Variants in MVB12A observed in about 807,000 individuals in gnomAD.
The protein encoded by MVB12A is multivesicular body subunit 12A, also known as CIN85/CD2AP family binding protein.
In MVB12A, 30 loss-of-function variants were observed where a neutral mutation model predicts 34.3. The ratio of observed to expected loss-of-function variants is 0.88; its 90% CI spans 0.65 to 1.19. MVB12A has a LOEUF of 1.19. Among genes scored for constraint, MVB12A ranks in the 50% most tolerant of loss-of-function variants. The pLI, the probability that MVB12A is intolerant of heterozygous loss-of-function variation, is 0.00. For missense variants in MVB12A, 355 were observed against 369.2 expected (o/e 0.96, Z 0.31); for synonymous variants, 158 against 158.9 (o/e 0.99, Z 0.04).
At position 17,425,018 on chromosome 19, in the gene MVB12A, C is replaced by T. The variant is rs1034178174; in HGVS notation, c.*25C>T. 7 of 1,480,592 alleles carry T rather than the reference C, an allele frequency of 4.7e-6. No individual in the cohort carries two copies. The highest frequency in any genetic ancestry group is 6.5e-6 in the Non-Finnish European group (7 of 1,075,230). 91.7% of individuals were successfully genotyped at this position (1,480,592 alleles called of 1,614,324 possible). A position where few individuals can be genotyped will look rare whatever the true frequency, so the allele number is the denominator to read the frequency against. Reference sequence around the variant, plus strand: ...GTCCCTCACCCTTCCGCGGAAAGAGCCCCCTTACTCCACCTCCCCGCCAGC... The same window carrying T: ...GTCCCTCACCCTTCCGCGGAAAGAGTCCCCTTACTCCACCTCCCCGCCAGC... On this transcript the variant is annotated 3_prime_UTR_variant, in exon 9 of 9. Transcript: ENST00000317040.
upstream of MVB12A, among the ~76,000 whole-genome samples, chr19:17,416,229 ATGCCACTGAGTAGCTGGGATTACAGGCG>A: frequency 1.3e-5 from 1 of 79,112 alleles, no homozygotes; most frequent in Non-Finnish European, 2.1e-5. Flanking sequence ...TTACAGGCGC[ATGCCACTGAGTAGCTGGGATTACAGGCG>A]CATGCCACCA....
chr19:17,407,515 T>C (rs28753790), intron 2 of MVB12A, among the ~76,000 whole-genome samples: 3,630 of 152,242 alleles, frequency 0.024, 51 homozygotes, highest in African/African-American at 0.037. Flanking sequence ...CAGGGGGCCC[T>C]TCCCTGCCTG....
At chr19:17,417,825 C>A, upstream of MVB12A, 1 of 316,158 alleles carries the variant, frequency 3.2e-6, no homozygotes, top group South Asian at 3.1e-5. Flanking sequence ...CTGACACTGT[C>A]TTCCAACTCT....
rs1465432705 is a variant in MVB12A, at chr19:17,410,521, T to TACACACACACACACACACAC, written c.-5+4226_-5+4227insCACACACACACACACACACA. Among the ~76,000 whole-genome samples, 4 of 65,416 alleles carry TACACACACACACACACACAC rather than the reference T, an allele frequency of 6.1e-5. No homozygotes were observed. The South Asian group carries it at 1.8e-3, about 30-fold the overall frequency. The allele number at this position is 65,416 out of a possible 152,430, so 42.9% of individuals were successfully genotyped here. On this transcript the variant is annotated intron_variant, in intron 2 of 6. Coordinates refer to the MVB12A transcript ENST00000528604. ...TCATATATATATATATATATATATA[T>TACACACACACACACACACAC]ATATATATACACACACACATATATA...
chr19:17,425,065 GCATCCTGGGGCCACCCCCAC>G lies in MVB12A; in HGVS notation c.*73_*92del. 1 of 516,020 alleles carries G rather than the reference GCATCCTGGGGCCACCCCCAC, an allele frequency of 1.9e-6. No homozygotes were observed. The highest frequency in any genetic ancestry group is 3.0e-6 in the Non-Finnish European group (1 of 332,026). 32.0% of individuals were successfully genotyped at this position (516,020 alleles called of 1,614,324 possible). ...CAGCCTGGGGCCACCCCCCCTCACTGCATCCTGGGGCCACCCCCACTCACTGCATCCTGGGAACCTTCGCC... is the reference window on the plus strand; with the variant it reads ...CAGCCTGGGGCCACCCCCCCTCACTGTCACTGCATCCTGGGAACCTTCGCC... On this transcript the variant is annotated 3_prime_UTR_variant, in exon 9 of 9. Transcript: ENST00000317040.
chr19:17,424,018 T>G lies in MVB12A; in HGVS notation c.653T>G (p.Val218Gly). The part of the protein sequence containing the change: ...SLYGISAMDG[V>G]PFTLHPRFEG... ...ACGTGTTTTTCAGCCATGGATGGGG[T>G]TCCCTTCACACTCCACCCACGATTT... The change falls in exon 7 of 9, where the codon GTT (valine) becomes GGT (glycine). Residue 218 changes from valine (V) to glycine (G), a missense_variant. Coordinates refer to ENST00000317040, the MANE Select transcript of MVB12A (RefSeq NM_138401.4). 1 of 1,614,064 alleles carries G rather than the reference T, an allele frequency of 6.2e-7. No homozygotes were observed. The highest frequency in any genetic ancestry group is 1.1e-5 in the South Asian group (1 of 91,084).
intron 3 of MVB12A, among the ~76,000 whole-genome samples, chr19:17,421,601 A>AATTCC (rs1264448371): frequency 6.6e-6 from 1 of 152,076 alleles, no homozygotes; most frequent in Non-Finnish European, 1.5e-5. Flanking sequence ...ATTTTTTTAC[A>AATTCC]ATTCCTTAAA....
Position 17,420,309 on chromosome 19 carries a change from G to T in MVB12A, c.91-4G>T. On this transcript the variant is annotated splice_region_variant and splice_polypyrimidine_tract_variant and intron_variant, in intron 1 of 8. Coordinates refer to ENST00000317040, the MANE Select transcript of MVB12A (RefSeq NM_138401.4). ...TCCGGCGCTGACCCGCGTCCTCCCG[G>T]TAGATCTCCTGCACCGTCGAGGGGG... 6.3e-7 allele frequency: 1 copy of T among 1,592,670 alleles called. No individual in the cohort carries two copies. The highest frequency in any genetic ancestry group is 8.6e-7 in the Non-Finnish European group (1 of 1,169,194).
intron 2 of MVB12A, chr19:17,406,308 G>C (rs1271319279): frequency 6.6e-6 from 1 of 152,228 alleles, no homozygotes; most frequent in Non-Finnish European, 1.5e-5. Flanking sequence ...TAAACTCTCT[G>C]AGCCTGTTTC....
chr19:17,420,015 G>GC (rs201855095), upstream of MVB12A: 2,850 of 224,908 alleles, frequency 0.013, 146 homozygotes, highest in African/African-American at 0.073. Flanking sequence ...GGCAATCTCC[G>GC]CCCCCCCCCC....
At position 17,420,064 on chromosome 19, in the gene MVB12A, G is replaced by C; in HGVS notation, c.-72G>C. 2 of 1,013,090 alleles carry C rather than the reference G, an allele frequency of 2.0e-6. No homozygotes were observed. The highest frequency in any genetic ancestry group is 2.6e-6 in the Non-Finnish European group (2 of 784,294). 62.8% of individuals were successfully genotyped at this position (1,013,090 alleles called of 1,614,324 possible). Reference sequence around the variant, plus strand: ...TGGGAGTTGTAGTTCGGTCGCGAGCGCTGCCGTCGGGAGGCGCTCCGAGGT... The same window carrying C: ...TGGGAGTTGTAGTTCGGTCGCGAGCCCTGCCGTCGGGAGGCGCTCCGAGGT... On this transcript the variant is annotated 5_prime_UTR_variant, in exon 1 of 9. Coordinates refer to ENST00000317040, the MANE Select transcript of MVB12A (RefSeq NM_138401.4).
At chr19:17,418,456 G>A (rs1568390126), upstream of MVB12A, among the ~76,000 whole-genome samples, 1 of 150,308 alleles carries the variant, frequency 6.7e-6, no homozygotes, top group Admixed American at 6.7e-5. Context: ...GCAATGGCGC[G>A]ATCTCAGCTC....
At chr19:17,418,286 C>A, upstream of MVB12A, 1 of 195,318 alleles carries the variant, frequency 5.1e-6, no homozygotes, top group South Asian at 1.0e-4. Context: ...CACCATTAGC[C>A]ATCCTGACTG....
intron 2 of MVB12A, among the ~76,000 whole-genome samples, chr19:17,410,496 T>TTATATATA (rs1568387298): frequency 6.3e-5 from 2 of 31,512 alleles, no homozygotes; most frequent in Admixed American, 4.4e-4. Flanking sequence ...GGTTTTAGCT[T>TTATATATA]CATATATATA....
At chr19:17,419,045 A>G (rs773674245), upstream of MVB12A, 3 of 152,146 alleles carry the variant, frequency 2.0e-5, no homozygotes, top group Non-Finnish European at 4.4e-5. Flanking sequence ...TAGATCATCA[A>G]TATATAATTA....
chr19:17,417,672 A>G (rs984115568), upstream of MVB12A: 1 of 152,532 alleles, frequency 6.6e-6, no homozygotes, highest in African/African-American at 2.4e-5. Context: ...AAAATAAAAA[A>G]TAAGAGTCCA....
chr19:17,419,377 C>T (rs953017240), upstream of MVB12A: 1 of 152,144 alleles, frequency 6.6e-6, no homozygotes, highest in Non-Finnish European at 1.5e-5. Context: ...ACTCGGTTTG[C>T]TGGTGGCATC....
intron 8 of MVB12A, 73 bp downstream of exon 8, chr19:17,424,750 T>C: frequency 2.0e-6 from 3 of 1,528,916 alleles, no homozygotes; most frequent in Non-Finnish European, 2.7e-6. Context: ...CACCCGCCCC[T>C]CGTCCGCCCC....
chr19:17,407,159 T>G (rs1223119122), intron 2 of MVB12A, among the ~76,000 whole-genome samples: 2 of 152,128 alleles, frequency 1.3e-5, no homozygotes, highest in East Asian at 3.9e-4. Context: ...AATAATAGAT[T>G]GATGTCCTCT....
Sources: gnomAD v4.1 joint callset for allele counts (sites outside exome capture counted in the v4.1 genomes callset) on GRCh38, gnomAD v4.1.1 for gene constraint, MANE v1.5 for transcripts, NCBI Gene and HGNC (gene_info 2026-07-23, HGNC 2026-07-21) for gene names.